CCBE1: variants seen among roughly 807,000 people sequenced by gnomAD.
CCBE1 encodes collagen and calcium binding EGF domains 1.
A neutral mutation model predicts 50.0 loss-of-function variants in CCBE1; 37 were observed. The observed-to-expected ratio is 0.74, with a 90% CI of 0.57 to 0.97. The LOEUF is 0.97. CCBE1 is among the 50% of genes least tolerant of loss of function. The pLI is 0.00. For missense variants in CCBE1, 538 were observed against 523.8 expected (o/e 1.03, Z -0.26); for synonymous variants, 234 against 203.7 (o/e 1.15, Z -1.27).
intron 2 of CCBE1, among the ~76,000 whole-genome samples, chr18:59,573,284 A>AAC (rs2052943175): frequency 1.1e-5 from 1 of 93,726 alleles, no homozygotes; most frequent in Non-Finnish European, 2.2e-5. Flanking sequence ...GACTCCGTCT[A>AAC]ATATATATAT....
intron 2 of CCBE1, among the ~76,000 whole-genome samples, chr18:59,660,712 A>G (rs2144687722): frequency 6.6e-6 from 1 of 152,250 alleles, no homozygotes; most frequent in East Asian, 1.9e-4. Context: ...TGCCTCAAAC[A>G]AAAGCCCAAC....
intron 5 of CCBE1, among the ~76,000 whole-genome samples, chr18:59,466,290 T>A (rs1229188665): frequency 6.6e-6 from 1 of 152,012 alleles, no homozygotes; most frequent in Non-Finnish European, 1.5e-5. Flanking sequence ...TGACAGTGTA[T>A]AAGTCTCAGA....
rs1453496165 is a variant in CCBE1, at chr18:59,439,574, G to A, written c.920C>T (p.Pro307Leu). ...IKQGRRGPVGPPGAPGRDGSK... is the reference protein window; with the variant it reads ...IKQGRRGPVGLPGAPGRDGSK... ...ACCATCTCTTCCTGGTGCCCCTGGTGGACCCTGTAATACAAAAGGATCTGG... is the reference window on the plus strand; with the variant it reads ...ACCATCTCTTCCTGGTGCCCCTGGTAGACCCTGTAATACAAAAGGATCTGG... The change falls in exon 9 of 11, where the codon CCA becomes CTA. Residue 307 changes from proline to leucine, a missense_variant. Physicochemically the swap from Pro to Leu is moderately conservative, Grantham distance 98 (BLOSUM62 -3). Transcript: ENST00000439986. The A allele has an allele frequency of 1.9e-6, 3 of 1,614,256 alleles. No individual in the cohort carries two copies. The highest frequency in any genetic ancestry group is 1.1e-5 in the South Asian group (1 of 91,082).
chr18:59,475,713 A>G (rs1912273904), intron 3 of CCBE1, among the ~76,000 whole-genome samples: 1 of 146,712 alleles, frequency 6.8e-6, no homozygotes, highest in African/African-American at 2.4e-5. Flanking sequence ...TGCTATATTT[A>G]TTTATTATTT....
chr18:59,433,609 AT>A lies in CCBE1; in HGVS notation c.*2298del, dbSNP rs35448271. 1.2e-3 allele frequency: 172 copies of A among 144,508 alleles called. 1 individual carries two copies. The highest frequency in any genetic ancestry group is 3.8e-3 in the African/African-American group (146 of 38,794). The allele number at this position is 144,508 out of a possible 1,614,324, so 9.0% of individuals were successfully genotyped here. A position where few individuals can be genotyped will look rare whatever the true frequency, so the allele number is the denominator to read the frequency against. On this transcript the variant is annotated 3_prime_UTR_variant, in exon 11 of 11. Coordinates refer to ENST00000439986, the MANE Select transcript of CCBE1 (RefSeq NM_133459.4). Reference sequence around the variant, plus strand: ...GGCATTCAAACACAACAAAAGGGATATTTTTTTTTTTTTGAGACAGAGTCTC... The same window carrying A: ...GGCATTCAAACACAACAAAAGGGATATTTTTTTTTTTTGAGACAGAGTCTC...
At chr18:59,593,674 G>C (rs539299281) in intron 2 of CCBE1, among the ~76,000 whole-genome samples, 2 of 152,214 alleles carry the variant, frequency 1.3e-5, no homozygotes, top group Non-Finnish European at 2.9e-5. Context: ...GTTTTGGCTT[G>C]AGTAGTCAAG....
chr18:59,556,412 T>C (rs1190440127), intron 2 of CCBE1, among the ~76,000 whole-genome samples: 3 of 152,278 alleles, frequency 2.0e-5, no homozygotes, highest in South Asian at 2.1e-4. Context: ...TGCAGTAACA[T>C]ATGCCTCCTC....
In CCBE1 at chr18:59,537,268, T is replaced by C. The variant is rs1232312765; in HGVS notation, c.213-57030A>G. ...CATATTTACAGTCTCTGTAGAATAATGCCAGCCAAAGCAAGGTGACATATA... is the reference window on the plus strand; with the variant it reads ...CATATTTACAGTCTCTGTAGAATAACGCCAGCCAAAGCAAGGTGACATATA... On this transcript the variant is annotated intron_variant, in intron 2 of 10. Coordinates refer to ENST00000439986, the MANE Select transcript of CCBE1 (RefSeq NM_133459.4). 3.3e-5 allele frequency among the ~76,000 whole-genome samples: 5 copies of C among 152,318 alleles called. No individual in the cohort carries two copies. The South Asian group carries it at 1.0e-3, about 32-fold the overall frequency.
In CCBE1 at chr18:59,668,045, G is replaced by T. The variant is rs550359584; in HGVS notation, c.212+28584C>A. 7.2e-5 allele frequency among the ~76,000 whole-genome samples: 11 copies of T among 152,248 alleles called. No individual in the cohort carries two copies. In the South Asian group the frequency reaches 2.3e-3, roughly 32 times the overall value. On this transcript the variant is annotated intron_variant, in intron 2 of 10. Transcript: ENST00000439986. The stretch of plus-strand genomic sequence containing the variant: ...AAATGTAGATGACAGGTTGATGGGT[G>T]CAGCAAACCACCATGACACGTGTAT...
At chr18:59,524,452 G>A (rs149357138) in intron 2 of CCBE1, among the ~76,000 whole-genome samples, 2 of 152,154 alleles carry the variant, frequency 1.3e-5, no homozygotes, top group Admixed American at 6.5e-5. Flanking sequence ...GATGTTTCTT[G>A]TAATAAACCT....
At chr18:59,552,257 A>G (rs181252501) in intron 2 of CCBE1, among the ~76,000 whole-genome samples, 3 of 152,352 alleles carry the variant, frequency 2.0e-5, no homozygotes, top group Admixed American at 1.3e-4. Context: ...GAAAGCCACA[A>G]GGAGTTAAGA....
intron 2 of CCBE1, among the ~76,000 whole-genome samples, chr18:59,580,863 A>G (rs1402402089): frequency 6.6e-6 from 1 of 152,240 alleles, no homozygotes; most frequent in East Asian, 1.9e-4. Flanking sequence ...TGAAGTGGCC[A>G]TGACATGCTG....
chr18:59,461,820 C>G (rs891219442), intron 5 of CCBE1, among the ~76,000 whole-genome samples: 1 of 147,486 alleles, frequency 6.8e-6, no homozygotes, highest in Admixed American at 6.8e-5. Context: ...GCAACCTCAG[C>G]CTCCTGGGTT....
rs868634658 is a variant in CCBE1 at position 59,658,418 on chromosome 18, A to T, written c.212+38211T>A. On this transcript the variant is annotated intron_variant, in intron 2 of 10. Coordinates refer to ENST00000439986, the MANE Select transcript of CCBE1 (RefSeq NM_133459.4). ...ATATATATATATATATATATATATA[A>T]AGTTAGCTACATGGTGGCATGCACT... Among the ~76,000 whole-genome samples, 28 of 72,094 alleles carry T rather than the reference A, an allele frequency of 3.9e-4. No individual in the cohort carries two copies. The South Asian group carries it at 4.0e-3, about 10-fold the overall frequency. The allele number at this position is 72,094 out of a possible 152,430, so 47.3% of individuals were successfully genotyped here. A position where few individuals can be genotyped will look rare whatever the true frequency, so the allele number is the denominator to read the frequency against.
At position 59,479,622 on chromosome 18, in the gene CCBE1, A is replaced by G. The variant is rs549556860; in HGVS notation, c.265+564T>C. ...AAGTAACCTGAACTTGCCCAAGGTC[A>G]AAGCTATTAGTAGGACATAGAAGCA... On this transcript the variant is annotated intron_variant, in intron 3 of 10. Coordinates refer to ENST00000439986, the MANE Select transcript of CCBE1 (RefSeq NM_133459.4). Among the ~76,000 whole-genome samples the G allele has an allele frequency of 5.9e-5, 9 of 152,364 alleles. No individual in the cohort carries two copies. The South Asian group carries it at 1.7e-3, about 28-fold the overall frequency.
At chr18:59,440,354 C>T (rs1910364603) in intron 7 of CCBE1, among the ~76,000 whole-genome samples, 1 of 152,204 alleles carries the variant, frequency 6.6e-6, no homozygotes, top group African/African-American at 2.4e-5. Flanking sequence ...GGAGTAGTTG[C>T]ATTACATGAG....
chr18:59,651,763 C>A lies in CCBE1; in HGVS notation c.212+44866G>T, dbSNP rs566615089. 2.2e-3 allele frequency among the ~76,000 whole-genome samples: 333 copies of A among 152,260 alleles called. 1 individual carries two copies. Among genetic ancestry groups the A allele is most frequent in the Non-Finnish European group, 2.8e-3 (189 of 68,016 alleles). On this transcript the variant is annotated intron_variant, in intron 2 of 10. Transcript: ENST00000439986. The stretch of plus-strand genomic sequence containing the variant: ...CTCCAGAGAAAGGCACTGGGCCCCA[C>A]CTTGTAGTTCATGTAAATATCAGTC...
intron 2 of CCBE1, among the ~76,000 whole-genome samples, chr18:59,609,165 G>C (rs931632931): frequency 8.5e-5 from 13 of 152,190 alleles, no homozygotes; most frequent in Non-Finnish European, 1.6e-4. Flanking sequence ...TTAGTGTTCT[G>C]TTGGGTTCTG....
chr18:59,658,224 C>T (rs543157407), intron 2 of CCBE1, among the ~76,000 whole-genome samples: 1 of 142,186 alleles, frequency 7.0e-6, no homozygotes, highest in Non-Finnish European at 1.5e-5. Context: ...ACAAACATTA[C>T]AGGGCACAGT....
Sources: gnomAD v4.1 joint callset for allele counts (sites outside exome capture counted in the v4.1 genomes callset) on GRCh38, gnomAD v4.1.1 for gene constraint, MANE v1.5 for transcripts, NCBI Gene and HGNC (gene_info 2026-07-23, HGNC 2026-07-21) for gene names.